CERK: variants seen among roughly 807,000 people sequenced by gnomAD.
The protein encoded by CERK is ceramide kinase.
A neutral mutation model predicts 63.4 loss-of-function variants in CERK; 39 were observed. The ratio of observed to expected loss-of-function variants is 0.61; its 90% CI spans 0.48 to 0.80. The LOEUF is 0.80. Among genes scored for constraint, CERK ranks in the 30% least tolerant of loss-of-function variants. The pLI is 0.00. For synonymous variants in CERK, 302 were observed against 280.0 expected, an observed-to-expected ratio of 1.08 and a Z score of -0.78; for missense variants, 670 against 714.1, an observed-to-expected ratio of 0.94 and a Z score of 0.70.
intron 5 of CERK, among the ~76,000 whole-genome samples, chr22:46,708,387 G>A (rs147171433): frequency 8.0e-4 from 122 of 152,356 alleles, no homozygotes; most frequent in African/African-American, 2.9e-3. Context: ...CCCGCACTGC[G>A]GGAGAGGCAC....
At chr22:46,707,794 C>T (rs1301838267) in intron 6 of CERK, 49 bp downstream of exon 6, 3 of 1,561,642 alleles carry the variant, frequency 1.9e-6, no homozygotes, top group Non-Finnish European at 2.6e-6. Flanking sequence ...CAGAACAATT[C>T]CTAAGGACGG....
chr22:46,701,469 T>C (rs1445552147), intron 7 of CERK, among the ~76,000 whole-genome samples, 167 bp downstream of exon 7: 2 of 152,254 alleles, frequency 1.3e-5, no homozygotes, highest in African/African-American at 4.8e-5. Flanking sequence ...CGGAGCTGCG[T>C]GCTGAGTGGG....
chr22:46,717,368 G>A lies in CERK; in HGVS notation c.379+2718C>T, dbSNP rs140168425. 6.6e-3 allele frequency among the ~76,000 whole-genome samples: 1,007 copies of A among 152,352 alleles called. 11 individuals are homozygous for A. The highest frequency in any genetic ancestry group is 0.02 in the African/African-American group (829 of 41,576). Reference sequence around the variant, plus strand: ...TGTTCATGACAGCCCACATCAGGAAGCTGTCCAAATGACCAGCCACTGTAC... The same window carrying A: ...TGTTCATGACAGCCCACATCAGGAAACTGTCCAAATGACCAGCCACTGTAC... On this transcript the variant is annotated intron_variant, in intron 3 of 12. Coordinates refer to ENST00000216264, the MANE Select transcript of CERK (RefSeq NM_022766.6).
At chr22:46,703,739 G>A (rs751304144) in intron 6 of CERK, among the ~76,000 whole-genome samples, 2 of 152,086 alleles carry the variant, frequency 1.3e-5, no homozygotes, top group Non-Finnish European at 2.9e-5. Context: ...AGGACCAAAC[G>A]CAGAGAGCGA....
At chr22:46,687,555 C>T (rs969614843) in intron 12 of CERK, among the ~76,000 whole-genome samples, 1 of 152,230 alleles carries the variant, frequency 6.6e-6, no homozygotes, top group Admixed American at 6.5e-5. Context: ...GAAAGCAGAG[C>T]GTCCGCTCCA....
chr22:46,712,615 C>T (rs575171539), intron 3 of CERK, among the ~76,000 whole-genome samples: 3 of 152,214 alleles, frequency 2.0e-5, no homozygotes, highest in East Asian at 1.9e-4. Flanking sequence ...GCAGCAGCCT[C>T]GTTCTTCTGC....
At chr22:46,697,513 C>CA (rs1555983703) in intron 8 of CERK, among the ~76,000 whole-genome samples, 2 of 150,768 alleles carry the variant, frequency 1.3e-5, no homozygotes, top group Non-Finnish European at 1.5e-5. Flanking sequence ...TTCTACTTTT[C>CA]TTTTTTTTTG....
At chr22:46,696,655 C>T (rs190736871) in intron 8 of CERK, among the ~76,000 whole-genome samples, 15 of 152,370 alleles carry the variant, frequency 9.8e-5, no homozygotes, top group African/African-American at 3.6e-4. Context: ...TGTGCTGCTC[C>T]AGAACAACCG....
At chr22:46,715,407 G>C (rs2082861570) in intron 3 of CERK, among the ~76,000 whole-genome samples, 1 of 152,140 alleles carries the variant, frequency 6.6e-6, no homozygotes, top group African/African-American at 2.4e-5. Flanking sequence ...TGAATGCAAG[G>C]TGAAATACAC....
intron 1 of CERK, among the ~76,000 whole-genome samples, chr22:46,723,889 G>T (rs2146585608): frequency 6.6e-6 from 1 of 152,170 alleles, no homozygotes; most frequent in Non-Finnish European, 1.5e-5. Context: ...GTAGAGACGG[G>T]ATTTCACCAT....
chr22:46,715,512 A>G (rs375046377), intron 3 of CERK, among the ~76,000 whole-genome samples: 1 of 152,260 alleles, frequency 6.6e-6, no homozygotes, highest in African/African-American at 2.4e-5. Flanking sequence ...AGGGTCAAGC[A>G]GATGTTTATA....
In CERK at chr22:46,714,940, C is replaced by T. The variant is rs535765640; in HGVS notation, c.380-2647G>A. On this transcript the variant is annotated intron_variant, in intron 3 of 12. Transcript: ENST00000216264. This position sits in a 1 kb window ranked among gnomAD's most constrained non-coding sequence, Gnocchi z 4.4. The stretch of plus-strand genomic sequence containing the variant: ...ACAACCAAGAGAGGTTTGTTTACTC[C>T]AGGACTGCAACAATGAGAAATTAAT... Among the ~76,000 whole-genome samples the T allele has an allele frequency of 6.6e-6, 1 of 151,372 alleles. No individual in the cohort carries two copies. The highest frequency in any genetic ancestry group is 6.6e-5 in the Admixed American group (1 of 15,202).
chr22:46,689,402 G>A (rs1032804634), intron 12 of CERK, among the ~76,000 whole-genome samples: 6 of 152,188 alleles, frequency 3.9e-5, no homozygotes, highest in Non-Finnish European at 7.3e-5. Context: ...ATGGAGTCTC[G>A]CTCTGTCACC....
At chr22:46,724,267 C>T (rs895832751) in intron 1 of CERK, among the ~76,000 whole-genome samples, 4 of 152,178 alleles carry the variant, frequency 2.6e-5, no homozygotes, top group Non-Finnish European at 5.9e-5. Context: ...TGTAATAATA[C>T]AGCATATAAA....
At chr22:46,695,103 C>T in intron 9 of CERK, 107 bp downstream of exon 9, 1 of 666,054 alleles carries the variant, frequency 1.5e-6, no homozygotes, top group Non-Finnish European at 2.6e-6. Flanking sequence ...CACGCTACAT[C>T]CGGCACCTTC....
At chr22:46,722,406 G>C (rs1157082005) in intron 1 of CERK, among the ~76,000 whole-genome samples, 2 of 152,096 alleles carry the variant, frequency 1.3e-5, no homozygotes, top group Non-Finnish European at 2.9e-5. Context: ...ACTTGATGGG[G>C]AGGGGGTGGG....
intron 3 of CERK, among the ~76,000 whole-genome samples, chr22:46,719,137 C>T (rs1419484391): frequency 7.0e-6 from 1 of 143,126 alleles, no homozygotes; most frequent in African/African-American, 2.7e-5. Context: ...AATGAATGAA[C>T]ACCTACCACT....
intron 1 of CERK, among the ~76,000 whole-genome samples, chr22:46,728,142 C>A (rs1042452103): frequency 6.6e-5 from 10 of 152,108 alleles, no homozygotes; most frequent in Middle Eastern, 3.2e-3. Context: ...AAGTCCATAC[C>A]AGCTGGCATC....
At chr22:46,731,107 C>A (rs2082943211) in intron 1 of CERK, among the ~76,000 whole-genome samples, 1 of 152,282 alleles carries the variant, frequency 6.6e-6, no homozygotes. Context: ...AGCTGGAACC[C>A]CCATCAGCGC....
Sources: allele counts gnomAD v4.1 joint callset (sites outside exome capture counted in the v4.1 genomes callset), GRCh38; gene constraint gnomAD v4.1.1; non-coding constraint Gnocchi (gnomAD v3.1); transcripts MANE v1.5; gene names NCBI Gene and HGNC (gene_info 2026-07-23, HGNC 2026-07-21).